SHCBP1L: variants seen among roughly 807,000 people sequenced by gnomAD.
SHCBP1L encodes testicular spindle-associated protein SHCBP1L.
In SHCBP1L, 67 loss-of-function variants were observed where a neutral mutation model predicts 62.5. The ratio of observed to expected loss-of-function variants is 1.07; its 90% confidence interval spans 0.88 to 1.31. The LOEUF (loss-of-function observed/expected upper bound fraction) is 1.31. Ranked by LOEUF, SHCBP1L falls within the 40% of genes most tolerant of loss-of-function variation. The pLI is 0.00. For synonymous variants in SHCBP1L, 284 were observed against 289.4 expected, an observed-to-expected ratio of 0.98 and a Z score of 0.19; for missense variants, 823 against 809.8, an observed-to-expected ratio of 1.02 and a Z score of -0.20.
intron 2 of SHCBP1L, among the ~76,000 whole-genome samples, chr1:182,945,112 C>T (rs1218965100): frequency 4.0e-5 from 6 of 151,788 alleles, no homozygotes; most frequent in African/African-American, 1.5e-4. Flanking sequence ...TACAGGCGTG[C>T]GCCACCACAT....
At chr1:182,918,235 T>C (rs548088949) in intron 6 of SHCBP1L, among the ~76,000 whole-genome samples, 404 of 129,606 alleles carry the variant, frequency 3.1e-3, no homozygotes, top group Non-Finnish European at 5.1e-3. Context: ...CATATATATA[T>C]ACATATATAT....
chr1:182,918,469 T>C (rs1650430005), intron 6 of SHCBP1L, among the ~76,000 whole-genome samples: 1 of 152,026 alleles, frequency 6.6e-6, no homozygotes, highest in African/African-American at 2.4e-5. Flanking sequence ...AGGACTTGTA[T>C]ACTGAAACTA....
rs139977149 is a variant in SHCBP1L, at chr1:182,951,734, C to A, written c.406-267G>T. On this transcript the variant is annotated intron_variant, in intron 1 of 9. Coordinates refer to ENST00000367547, the MANE Select transcript of SHCBP1L (RefSeq NM_030933.4). The stretch of plus-strand genomic sequence containing the variant: ...TTATTGTTTATGTCTTAATTTTCAA[C>A]TTTTTATAAATATCACTGCAGTGAA... Among the ~76,000 whole-genome samples, 435 of 152,154 alleles carry A rather than the reference C, an allele frequency of 2.9e-3. 1 individual carries two copies. Among genetic ancestry groups the A allele is most frequent in the African/African-American group, 7.9e-3 (328 of 41,530 alleles).
intron 6 of SHCBP1L, among the ~76,000 whole-genome samples, chr1:182,913,043 G>C (rs376419605): frequency 6.6e-6 from 1 of 151,918 alleles, no homozygotes; most frequent in Non-Finnish European, 1.5e-5. Context: ...GCTGAGGCAG[G>C]AGAATCGCTT....
At position 182,930,727 on chromosome 1, in the gene SHCBP1L, ATTTTTTTTTTTTTTT is replaced by A. The variant is rs71127328; in HGVS notation, c.1077-990_1077-976del. On this transcript the variant is annotated intron_variant, in intron 5 of 9. Coordinates refer to ENST00000367547, the MANE Select transcript of SHCBP1L (RefSeq NM_030933.4). Reference sequence around the variant, plus strand: ...TGTATATATATATATATATATATGTATTTTTTTTTTTTTTTTTTTTTTTTATTAAAGACAGGGTCT... The same window carrying A: ...TGTATATATATATATATATATATGTATTTTTTTTTATTAAAGACAGGGTCT... 1.4e-4 allele frequency among the ~76,000 whole-genome samples: 3 copies of A among 20,960 alleles called. No individual in the cohort carries two copies. In the East Asian group the frequency reaches 6.6e-3, roughly 46 times the overall value. The allele number at this position is 20,960 out of a possible 152,430, so 13.8% of individuals were successfully genotyped here.
chr1:182,910,345 C>T (rs1035903698), intron 6 of SHCBP1L, among the ~76,000 whole-genome samples: 2 of 152,252 alleles, frequency 1.3e-5, no homozygotes, highest in Non-Finnish European at 2.9e-5. Flanking sequence ...TGGCAGCCCA[C>T]ATTCCTGGTG....
At chr1:182,943,886 G>A (rs1473220698) in intron 2 of SHCBP1L, among the ~76,000 whole-genome samples, 2 of 151,812 alleles carry the variant, frequency 1.3e-5, no homozygotes, top group Admixed American at 6.6e-5. Context: ...TGGGGAAGCC[G>A]AGGCGGGTGG....
At chr1:182,928,264 T>C (rs781230554) in intron 6 of SHCBP1L, among the ~76,000 whole-genome samples, 2 of 152,142 alleles carry the variant, frequency 1.3e-5, no homozygotes, top group African/African-American at 2.4e-5. Flanking sequence ...CATACACTAA[T>C]TTATTCATTC....
At chr1:182,946,570 TG>T (rs1380392144) in intron 2 of SHCBP1L, among the ~76,000 whole-genome samples, 1 of 152,200 alleles carries the variant, frequency 6.6e-6, no homozygotes, top group African/African-American at 2.4e-5. Flanking sequence ...TTCTTCCCAA[TG>T]GGAGTACTCC....
intron 1 of SHCBP1L, 110 bp from the exon 2 acceptor site, chr1:182,951,577 G>T (rs6424877): frequency 0.067 from 47,459 of 703,614 alleles, 2,446 homozygotes; most frequent in African/African-American, 0.18. Flanking sequence ...AACCAATATA[G>T]CCTTAAATAA....
intron 6 of SHCBP1L, among the ~76,000 whole-genome samples, chr1:182,909,480 G>A (rs994287150): frequency 1.3e-5 from 2 of 152,044 alleles, no homozygotes; most frequent in Admixed American, 6.6e-5. Flanking sequence ...GCAAAGAGGT[G>A]GTAGAAAAAA....
At chr1:182,949,881 A>C (rs1173050616) in intron 2 of SHCBP1L, among the ~76,000 whole-genome samples, 10 of 143,870 alleles carry the variant, frequency 7.0e-5, no homozygotes, top group Admixed American at 1.4e-4. Flanking sequence ...GGCTCACTGC[A>C]ACCTCTGCCT....
chr1:182,922,834 C>T (rs559728495), intron 6 of SHCBP1L, among the ~76,000 whole-genome samples: 2 of 152,112 alleles, frequency 1.3e-5, no homozygotes, highest in Non-Finnish European at 2.9e-5. Flanking sequence ...TAACATCACA[C>T]CTGGAGGAAC....
At chr1:182,921,683 A>T (rs1265862468) in intron 6 of SHCBP1L, among the ~76,000 whole-genome samples, 1 of 152,238 alleles carries the variant, frequency 6.6e-6, no homozygotes, top group Non-Finnish European at 1.5e-5. Flanking sequence ...AGGAAGGTGG[A>T]TCACCTGAGG....
At chr1:182,933,638 T>A (rs1651079123) in intron 5 of SHCBP1L, among the ~76,000 whole-genome samples, 1 of 152,170 alleles carries the variant, frequency 6.6e-6, no homozygotes, top group South Asian at 2.1e-4. Context: ...TATATTATAC[T>A]GATTGATTTT....
intron 2 of SHCBP1L, among the ~76,000 whole-genome samples, chr1:182,946,243 T>G (rs1392608313): frequency 6.6e-6 from 1 of 152,108 alleles, no homozygotes; most frequent in African/African-American, 2.4e-5. Flanking sequence ...TTTATGACCT[T>G]TGGTTCTGAG....
intron 2 of SHCBP1L, among the ~76,000 whole-genome samples, chr1:182,947,606 C>T (rs2101959728): frequency 6.6e-6 from 1 of 152,288 alleles, no homozygotes; most frequent in East Asian, 1.9e-4. Flanking sequence ...ACAGCAGGAC[C>T]AACTCCTCTT....
intron 6 of SHCBP1L, among the ~76,000 whole-genome samples, chr1:182,907,444 A>C (rs1471720327): frequency 6.6e-6 from 1 of 150,884 alleles, no homozygotes; most frequent in East Asian, 1.9e-4. Context: ...AAAAAAAAAA[A>C]AAGTAAATAA....
intron 6 of SHCBP1L, among the ~76,000 whole-genome samples, chr1:182,917,047 G>GT (rs1650377474): frequency 6.6e-6 from 1 of 151,334 alleles, no homozygotes; most frequent in African/African-American, 2.4e-5. Context: ...TAAAATAAAA[G>GT]TTAAAAAAAA....
Sources: allele counts gnomAD v4.1 joint callset (sites outside exome capture counted in the v4.1 genomes callset), GRCh38; gene constraint gnomAD v4.1.1; transcripts MANE v1.5; gene names NCBI Gene and HGNC (gene_info 2026-07-23, HGNC 2026-07-21).